The following KPNB1 variants were observed in gnomAD, a reference collection of about 807,000 sequenced individuals.
KPNB1 encodes importin subunit beta-1.
In KPNB1, 7 loss-of-function variants were observed where a neutral mutation model predicts 113.0. The ratio of observed to expected loss-of-function variants is 0.06; its 90% CI spans 0.04 to 0.12. KPNB1 has a LOEUF of 0.12. KPNB1 is among the 10% of genes least tolerant of loss of function. The pLI is 1.00. For synonymous variants in KPNB1, 363 were observed against 378.6 expected (o/e 0.96, Z 0.48); for missense variants, 400 against 1,054.8 (o/e 0.38, Z 8.60).
chr17:47,680,187 G>C (rs1430968816), intron 20 of KPNB1, 53 bp downstream of exon 20: 6 of 1,251,616 alleles, frequency 4.8e-6, no homozygotes, highest in Non-Finnish European at 7.0e-6. Context: ...CAGAAAATGA[G>C]AAAACATGGA....
chr17:47,662,617 C>T (rs554823727), intron 6 of KPNB1, among the ~76,000 whole-genome samples: 2 of 149,522 alleles, frequency 1.3e-5, no homozygotes, highest in South Asian at 4.2e-4. Flanking sequence ...CGCAGTGGCT[C>T]ACACCTTTAA....
chr17:47,650,567 C>CCCCCTCCCG, intron 2 of KPNB1, 123 bp downstream of exon 2: 1 of 616,872 alleles, frequency 1.6e-6, no homozygotes, highest in Non-Finnish European at 2.8e-6. Context: ...CCCCTCCCCC[C>CCCCCTCCCG]TCCCCCTCCC....
chr17:47,678,435 C>A, intron 19 of KPNB1, 22 bp downstream of exon 19: 1 of 1,556,736 alleles, frequency 6.4e-7, no homozygotes, highest in Non-Finnish European at 8.9e-7. Flanking sequence ...AACCCAGTTC[C>A]CTTCGTCCGC....
At chr17:47,653,489 G>C (rs1915637425) in intron 3 of KPNB1, among the ~76,000 whole-genome samples, 1 of 152,124 alleles carries the variant, frequency 6.6e-6, no homozygotes, top group Non-Finnish European at 1.5e-5. Context: ...TGATCTGCCT[G>C]CCTTGGCTTC....
Position 47,678,315 on chromosome 17 carries a change from A to G in KPNB1, c.2255A>G (p.Tyr752Cys). The change falls in exon 19 of 22, where the codon TAT (tyrosine) becomes TGT (cysteine). Residue 752 changes from tyrosine to cysteine, a missense_variant. Around this residue, in one of 2 missense-constraint regions of KPNB1, gnomAD observed 115 missense variants for 427.9 expected, o/e 0.27. Coordinates refer to ENST00000290158, the MANE Select transcript of KPNB1 (RefSeq NM_002265.6). Reference sequence around the variant, plus strand: ...GTTCTTTGTGTCTTACAGTCAGACTATGACATGGTGGATTATCTGAATGAG... The same window carrying G: ...GTTCTTTGTGTCTTACAGTCAGACTGTGACATGGTGGATTATCTGAATGAG... ...ASQAQVDKSD[Y>C]DMVDYLNELR... 1.9e-6 allele frequency: 3 copies of G among 1,613,886 alleles called. No individual in the cohort carries two copies. The highest frequency in any genetic ancestry group is 2.5e-6 in the Non-Finnish European group (3 of 1,179,756).
chr17:47,676,099 G>A (rs776220823), intron 15 of KPNB1, among the ~76,000 whole-genome samples: 3 of 152,122 alleles, frequency 2.0e-5, no homozygotes, highest in Non-Finnish European at 2.9e-5. Flanking sequence ...TGCTGGTTCA[G>A]CCCATTTAAA....
intron 14 of KPNB1, among the ~76,000 whole-genome samples, chr17:47,674,126 A>G (rs561830754): frequency 6.6e-6 from 1 of 152,258 alleles, no homozygotes; most frequent in South Asian, 2.1e-4. Flanking sequence ...GTTTGACCTA[A>G]TGTCAGTGAC....
intron 2 of KPNB1, 59 bp downstream of exon 2, chr17:47,650,503 T>C (rs1461472610): frequency 1.3e-6 from 2 of 1,490,458 alleles, no homozygotes; most frequent in Admixed American, 3.8e-5. Flanking sequence ...GTGCGGGGCC[T>C]TCCCGCCCTC....
intron 9 of KPNB1, among the ~76,000 whole-genome samples, chr17:47,666,135 C>G (rs2030260393): frequency 6.6e-6 from 1 of 151,908 alleles, no homozygotes; most frequent in South Asian, 2.1e-4. Flanking sequence ...CTCAGTGCAC[C>G]CTCTGCCTCC....
At chr17:47,672,630 C>T (rs374830521) in intron 12 of KPNB1, among the ~76,000 whole-genome samples, 5 of 152,076 alleles carry the variant, frequency 3.3e-5, no homozygotes, top group African/African-American at 1.2e-4. Flanking sequence ...TCAAGTGATC[C>T]GCCTGCCTCA....
chr17:47,663,207 C>T (rs1310800143), intron 7 of KPNB1, 29 bp downstream of exon 7: 4 of 1,168,522 alleles, frequency 3.4e-6, no homozygotes, highest in Middle Eastern at 3.9e-4. Flanking sequence ...GTGATTTGAG[C>T]TTGTGGCTAA....
intron 7 of KPNB1, 131 bp downstream of exon 7, chr17:47,663,309 C>G: frequency 1.7e-6 from 1 of 605,490 alleles, no homozygotes; most frequent in Admixed American, 2.6e-5. Flanking sequence ...CGAGACTGTT[C>G]GGTTTAAGCT....
In KPNB1 at chr17:47,673,576, T is replaced by C; in HGVS notation, c.1767+15T>C. The C allele has an allele frequency of 6.3e-7, 1 of 1,577,546 alleles. No homozygotes were observed. The highest frequency in any genetic ancestry group is 8.7e-7 in the Non-Finnish European group (1 of 1,146,780). ...CAACTCTTCAGGTATGGTGGTGCCT[T>C]ATGACTTAATAACTCCAGGTTGGAG... On this transcript the variant is annotated intron_variant, in intron 14 of 21. Coordinates refer to ENST00000290158, the MANE Select transcript of KPNB1 (RefSeq NM_002265.6).
intron 8 of KPNB1, 140 bp downstream of exon 8, chr17:47,664,409 G>A: frequency 5.0e-6 from 3 of 604,654 alleles, no homozygotes; most frequent in Non-Finnish European, 8.8e-6. Context: ...TTTTCTGCTA[G>A]CCAGAGCCCT....
intron 2 of KPNB1, chr17:47,651,130 C>G (rs1028126887): frequency 5.1e-5 from 40 of 777,652 alleles, no homozygotes; most frequent in Non-Finnish European, 5.9e-5. Flanking sequence ...TGAGGCTCAT[C>G]TTTGAGATGG....
chr17:47,675,389 G>GTTTTT, intron 15 of KPNB1, among the ~76,000 whole-genome samples: 1 of 78,452 alleles, frequency 1.3e-5, no homozygotes, highest in East Asian at 4.0e-4. Context: ...TTTTTTGTTT[G>GTTTTT]TTTTTTTTTT....
At chr17:47,680,392 G>A in intron 20 of KPNB1, 116 bp from the exon 21 acceptor site, 1 of 1,213,272 alleles carries the variant, frequency 8.2e-7, no homozygotes, top group Non-Finnish European at 1.2e-6. Flanking sequence ...CTCTACTGAG[G>A]GTTTTATTTA....
rs778077628 is a variant in KPNB1, at chr17:47,650,374, T to C, written c.41-12T>C. The C allele has an allele frequency of 3.1e-6, 5 of 1,611,186 alleles. No homozygotes were observed. The highest frequency in any genetic ancestry group is 2.2e-5 in the East Asian group (1 of 44,742). On this transcript the variant is annotated splice_polypyrimidine_tract_variant and intron_variant, in intron 1 of 21. Coordinates refer to ENST00000290158, the MANE Select transcript of KPNB1 (RefSeq NM_002265.6). ...TCTGACCCCGCTCCGTCTCCCACTT[T>C]CCTCCCCCTAGATCGGCTGGAGCTG...
rs1197594620 is a variant in KPNB1 at position 47,650,154 on chromosome 17, C to T, written c.-91C>T. On this transcript the variant is annotated 5_prime_UTR_variant, in exon 1 of 22. Transcript: ENST00000290158. ...CCCCCACCCCACCCTCCCTTCCCAC[C>T]CGACCCCCAACCCCCATCCCCAGTT... 1.1e-6 allele frequency: 1 copy of T among 901,820 alleles called. No individual in the cohort carries two copies. The highest frequency in any genetic ancestry group is 1.9e-5 in the African/African-American group (1 of 52,108). 55.9% of individuals were successfully genotyped at this position (901,820 alleles called of 1,614,324 possible).
Sources: allele counts gnomAD v4.1 joint callset (sites outside exome capture counted in the v4.1 genomes callset), GRCh38; gene constraint gnomAD v4.1.1; regional missense constraint gnomAD v4.1.1; transcripts MANE v1.5; gene names NCBI Gene and HGNC (gene_info 2026-07-23, HGNC 2026-07-21).